ZNF135: variants seen among roughly 807,000 people sequenced by gnomAD.
ZNF135 encodes the protein zinc finger protein 135 (clone pHZ-17).
Under a neutral mutation model 12.3 loss-of-function variants are expected in ZNF135, and 11 were observed. The observed-to-expected ratio is 0.89, with a 90% CI of 0.56 to 1.48. The LOEUF (loss-of-function observed/expected upper bound fraction) is 1.48, where lower values mean the gene tolerates loss of function less well. Among genes scored for constraint, ZNF135 ranks in the 40% most tolerant of loss-of-function variants. ZNF135 has a pLI of 0.00. For missense variants in ZNF135, 722 were observed against 815.7 expected (o/e 0.89, Z 1.40); for synonymous variants, 316 against 312.0 (o/e 1.01, Z -0.14).
rs2073924837 is a variant in ZNF135, at chr19:58,059,356, G to GGGCCA, written c.-35+50_-35+51insAGGCC. The GGGCCA allele has an allele frequency of 1.7e-6, 2 of 1,156,678 alleles. No individual in the cohort carries two copies. The highest frequency in any genetic ancestry group is 2.3e-6 in the Non-Finnish European group (2 of 857,538). 71.7% of individuals were successfully genotyped at this position (1,156,678 alleles called of 1,614,324 possible). ...GGGGGAGGGGAGGCCAGGCCGGGCC[G>GGGCCA]GGCCGGGCCGGGTGCGGGGGGTCCG... On this transcript the variant is annotated intron_variant, in intron 1 of 4. Transcript: ENST00000313434. This position sits in a 1 kb window ranked among gnomAD's most constrained non-coding sequence, Gnocchi z 6.5.
Position 58,059,330 on chromosome 19 carries a change from A to AG in ZNF135, c.-35+25dup. 2 of 1,107,970 alleles carry AG rather than the reference A, an allele frequency of 1.8e-6. No individual in the cohort carries two copies. The highest frequency in any genetic ancestry group is 2.2e-6 in the Non-Finnish European group (2 of 891,256). The allele number at this position is 1,107,970 out of a possible 1,614,324, so 68.6% of individuals were successfully genotyped here. On this transcript the variant is annotated intron_variant, in intron 1 of 4. Coordinates refer to ENST00000313434, the MANE Select transcript of ZNF135 (RefSeq NM_001289401.2). The surrounding 1 kb of genome is among the most constrained non-coding windows in gnomAD (Gnocchi z 6.5). ...AGGAGGGTGAGCTAGGCCGGCGAGG[A>AG]GGGGGAGGGGAGGCCAGGCCGGGCC...
rs1337542293 is a variant in ZNF135 at position 58,068,553 on chromosome 19, A to G, written c.*92A>G. The G allele has an allele frequency of 7.0e-7, 1 of 1,419,898 alleles. No homozygotes were observed. Among genetic ancestry groups the G allele is most frequent in the Non-Finnish European group, 9.5e-7 (1 of 1,052,034 alleles). 88.0% of individuals were successfully genotyped at this position (1,419,898 alleles called of 1,614,324 possible). A position where few individuals can be genotyped will look rare whatever the true frequency, so the allele number is the denominator to read the frequency against. On this transcript the variant is annotated 3_prime_UTR_variant, in exon 5 of 5. Coordinates refer to ENST00000313434, the MANE Select transcript of ZNF135 (RefSeq NM_001289401.2). Reference sequence around the variant, plus strand: ...ACCCAATCATACACATGAGAAACGTACATTCATACACAAGCCTTTTCACAC... The same window carrying G: ...ACCCAATCATACACATGAGAAACGTGCATTCATACACAAGCCTTTTCACAC...
chr19:58,062,024 C>T (rs1426809729), intron 3 of ZNF135, among the ~76,000 whole-genome samples: 6 of 152,152 alleles, frequency 3.9e-5, no homozygotes, highest in Non-Finnish European at 7.3e-5. Flanking sequence ...TCAACACCTC[C>T]CTCTGCACTT....
In ZNF135 at chr19:58,060,719, G is replaced by C. The variant is rs2073962543; in HGVS notation, c.33+684G>C. On this transcript the variant is annotated intron_variant, in intron 2 of 4. Transcript: ENST00000313434. The surrounding 1 kb of genome is among the most constrained non-coding windows in gnomAD (Gnocchi z 4.9). ...GCGATGGCTTGTAGCTGTAATCCCA[G>C]CTATGGGGGAGGATTGCTTGAGCCC... is the stretch of plus-strand genomic sequence containing the variant. 1.3e-5 allele frequency among the ~76,000 whole-genome samples: 2 copies of C among 152,192 alleles called. No individual in the cohort carries two copies. Among genetic ancestry groups the C allele is most frequent in the African/African-American group, 4.8e-5 (2 of 41,438 alleles).
rs11668842 is a variant in ZNF135, at chr19:58,060,989, G to C, written c.34-591G>C. On this transcript the variant is annotated intron_variant, in intron 2 of 4. Transcript: ENST00000313434. The surrounding 1 kb of genome is among the most constrained non-coding windows in gnomAD (Gnocchi z 4.9). Reference sequence around the variant, plus strand: ...AAAATACAAAAAAAAATTAGCCGGGGGGGTGGCGGGCGCCTGTAGTCCCAG... The same window carrying C: ...AAAATACAAAAAAAAATTAGCCGGGCGGGTGGCGGGCGCCTGTAGTCCCAG... Among the ~76,000 whole-genome samples the C allele has an allele frequency of 0.57, 86,797 of 151,768 alleles. 25,368 individuals carry two copies. Among genetic ancestry groups the C allele is most frequent in the African/African-American group, 0.62 (25,517 of 41,334 alleles).
At position 58,063,606 on chromosome 19, in the gene ZNF135, T is replaced by G. The variant is rs1173661638; in HGVS notation, c.256+65T>G. 6.2e-7 allele frequency: 1 copy of G among 1,604,196 alleles called. No individual in the cohort carries two copies. Among genetic ancestry groups the G allele is most frequent in the Non-Finnish European group, 8.5e-7 (1 of 1,174,942 alleles). On this transcript the variant is annotated intron_variant, in intron 4 of 4. Transcript: ENST00000313434. The surrounding 1 kb of genome is among the most constrained non-coding windows in gnomAD (Gnocchi z 4.4). The stretch of plus-strand genomic sequence containing the variant: ...ATGCTTGCTTCCTGGTTTCTCCCTC[T>G]GCATCTGCTCTCTAATTCTTCAGAG...
In ZNF135 at chr19:58,067,532, G is replaced by A. The variant is rs1272471702; in HGVS notation, c.1048G>A (p.Gly350Arg). The change falls in exon 5 of 5, where the codon GGG (glycine) becomes AGG (arginine). Residue 350 changes from glycine (G) to arginine (R), a missense_variant. Gly to Arg is a moderately radical substitution (Grantham distance 125). Coordinates refer to ENST00000313434, the MANE Select transcript of ZNF135 (RefSeq NM_001289401.2). Reference sequence around the variant, plus strand: ...CACCCAGCATCTGCGAATCCACACTGGGGAGAAACCCTATCAGTGTGGTGA... The same window carrying A: ...CACCCAGCATCTGCGAATCCACACTAGGGAGAAACCCTATCAGTGTGGTGA... The part of the protein sequence containing the change: ...HLTQHLRIHT[G>R]EKPYQCGECG... The A allele has an allele frequency of 4.3e-6, 7 of 1,613,854 alleles. No homozygotes were observed. In the East Asian group the frequency reaches 1.3e-4, roughly 31 times the overall value.
chr19:58,064,685 GC>G (rs1253324442), intron 4 of ZNF135, among the ~76,000 whole-genome samples: 2 of 149,962 alleles, frequency 1.3e-5, no homozygotes, highest in African/African-American at 2.5e-5. Flanking sequence ...TTCAAGACCA[GC>G]CTGGCCAACA....
Position 58,068,551 on chromosome 19 carries a change from G to C in ZNF135, c.*90G>C. On this transcript the variant is annotated 3_prime_UTR_variant, in exon 5 of 5. Transcript: ENST00000313434. ...TGACCCAATCATACACATGAGAAAC[G>C]TACATTCATACACAAGCCTTTTCAC... 6.9e-7 allele frequency: 1 copy of C among 1,440,256 alleles called. No homozygotes were observed. The highest frequency in any genetic ancestry group is 2.3e-5 in the East Asian group (1 of 42,882). 89.2% of individuals were successfully genotyped at this position (1,440,256 alleles called of 1,614,324 possible).
intron 4 of ZNF135, 61 bp from the exon 5 acceptor site, chr19:58,066,680 C>G (rs2074071857): frequency 5.0e-6 from 8 of 1,585,700 alleles, no homozygotes; most frequent in Non-Finnish European, 6.9e-6. Flanking sequence ...CCCATCTCAC[C>G]ACAAACTCTT....
rs1292059893 is a variant in ZNF135 at position 58,066,768 on chromosome 19, T to C, written c.284T>C (p.Leu95Pro). 6.2e-7 allele frequency: 1 copy of C among 1,614,086 alleles called. No homozygotes were observed. The highest frequency in any genetic ancestry group is 1.1e-5 in the South Asian group (1 of 91,070). ...PDLETRPKVK[L>P]SVLKQGISEE... Reference sequence around the variant, plus strand: ...TTGGAAACTAGACCCAAAGTCAAACTGTCAGTTCTAAAGCAAGGCATCTCT... The same window carrying C: ...TTGGAAACTAGACCCAAAGTCAAACCGTCAGTTCTAAAGCAAGGCATCTCT... The change falls in exon 5 of 5, where the codon CTG (leucine) becomes CCG (proline). Residue 95 changes from leucine to proline, a missense_variant. Coordinates refer to ENST00000313434, the MANE Select transcript of ZNF135 (RefSeq NM_001289401.2).
intron 4 of ZNF135, 147 bp from the exon 5 acceptor site, chr19:58,066,594 C>G (rs2074069791): frequency 8.8e-7 from 1 of 1,136,828 alleles, no homozygotes; most frequent in African/African-American, 1.6e-5. Context: ...TCCTGGTTTG[C>G]AAAACTATAT....
At position 58,059,628 on chromosome 19, in the gene ZNF135, G is replaced by T; in HGVS notation, c.-35+318G>T. On this transcript the variant is annotated intron_variant, in intron 1 of 4. Coordinates refer to ENST00000313434, the MANE Select transcript of ZNF135 (RefSeq NM_001289401.2). The surrounding 1 kb of genome is among the most constrained non-coding windows in gnomAD (Gnocchi z 6.5). ...TCTGCCCCACACCGGGCACTGGGCCGCCACCTTTGTTGATGGAAGAGAGAA... is the reference window on the plus strand; with the variant it reads ...TCTGCCCCACACCGGGCACTGGGCCTCCACCTTTGTTGATGGAAGAGAGAA... The T allele has an allele frequency of 2.0e-6, 1 of 511,828 alleles. No homozygotes were observed. Among genetic ancestry groups the T allele is most frequent in the South Asian group, 2.7e-5 (1 of 36,522 alleles). 31.7% of individuals were successfully genotyped at this position (511,828 alleles called of 1,614,324 possible). A position where few individuals can be genotyped will look rare whatever the true frequency, so the allele number is the denominator to read the frequency against.
At position 58,059,460 on chromosome 19, in the gene ZNF135, TG is replaced by T; in HGVS notation, c.-35+154del. 1.2e-6 allele frequency: 1 copy of T among 851,846 alleles called. No individual in the cohort carries two copies. Among genetic ancestry groups the T allele is most frequent in the Non-Finnish European group, 1.7e-6 (1 of 592,810 alleles). 52.8% of individuals were successfully genotyped at this position (851,846 alleles called of 1,614,324 possible). On this transcript the variant is annotated intron_variant, in intron 1 of 4. Transcript: ENST00000313434. This position sits in a 1 kb window ranked among gnomAD's most constrained non-coding sequence, Gnocchi z 6.5. ...GGAGTCCGTTTTGCTGCCCGGGGCC[TG>T]GGGAAGGCCGTTTCGGGGCTGGCGG...
rs1196681081 is a variant in ZNF135 at position 58,060,586 on chromosome 19, A to G, written c.33+551A>G. Among the ~76,000 whole-genome samples the G allele has an allele frequency of 6.6e-6, 1 of 152,322 alleles. No individual in the cohort carries two copies. The highest frequency in any genetic ancestry group is 1.9e-4 in the East Asian group (1 of 5,168). On this transcript the variant is annotated intron_variant, in intron 2 of 4. Transcript: ENST00000313434. The surrounding 1 kb of genome is among the most constrained non-coding windows in gnomAD (Gnocchi z 4.9). ...CGCTTCCTCAGACGTCATGGAGGCC[A>G]AGGGGGCGGAACTCGCCTTTTTATG...
rs148350290 is a variant in ZNF135, at chr19:58,067,736, G to C, written c.1252G>C (p.Ala418Pro). 6.2e-7 allele frequency: 1 copy of C among 1,614,022 alleles called. No individual in the cohort carries two copies. The highest frequency in any genetic ancestry group is 8.5e-7 in the Non-Finnish European group (1 of 1,179,998). Residue 418 changes from alanine (A) to proline (P), a missense_variant, in exon 5 of 5, where the codon GCC (alanine) becomes CCC (proline). Coordinates refer to ENST00000313434, the MANE Select transcript of ZNF135 (RefSeq NM_001289401.2). ...CTATGAGTGTGGTGAGTGTGGGAAAGCCTTCAGTCAGAGCACACTCCTGAC... is the reference window on the plus strand; with the variant it reads ...CTATGAGTGTGGTGAGTGTGGGAAACCCTTCAGTCAGAGCACACTCCTGAC... ...KPYECGECGKAFSQSTLLTEH... is the reference protein window; with the variant it reads ...KPYECGECGKPFSQSTLLTEH...
rs569317456 is a variant in ZNF135, at chr19:58,063,692, A to G, written c.256+151A>G. ...AGCACCCATTTTGCTGTGAGTGACG[A>G]CACCACGTCCTCATCTCCACTGAAT... On this transcript the variant is annotated intron_variant, in intron 4 of 4. Transcript: ENST00000313434. The surrounding 1 kb of genome is among the most constrained non-coding windows in gnomAD (Gnocchi z 4.4). 3.1e-4 allele frequency: 439 copies of G among 1,430,034 alleles called. 3 individuals are homozygous for G. The African/African-American group carries it at 5.7e-3, about 18-fold the overall frequency. The allele number at this position is 1,430,034 out of a possible 1,614,324, so 88.6% of individuals were successfully genotyped here.
chr19:58,068,438 C>G lies in ZNF135; in HGVS notation c.1954C>G (p.His652Asp), dbSNP rs761206779. Residue 652 changes from histidine to aspartate, a missense_variant, in exon 5 of 5, where the codon CAC becomes GAC. Coordinates refer to ENST00000313434, the MANE Select transcript of ZNF135 (RefSeq NM_001289401.2). Reference protein sequence around the residue: ...AFTHSSSLTKHQRTHTG With the variant: ...AFTHSSSLTKDQRTHTG ...TACCCACAGCTCCTCCCTTACCAAG[C>G]ACCAGAGAACTCACACTGGATAAAC... 5 of 1,613,980 alleles carry G rather than the reference C, an allele frequency of 3.1e-6. No homozygotes were observed. Among genetic ancestry groups the G allele is most frequent in the Non-Finnish European group, 4.2e-6 (5 of 1,179,910 alleles).
Position 58,060,536 on chromosome 19 carries a change from C to G in ZNF135, c.33+501C>G. The G allele has an allele frequency of 5.0e-6, 4 of 797,430 alleles. No homozygotes were observed. Among genetic ancestry groups the G allele is most frequent in the Non-Finnish European group, 6.2e-6 (4 of 649,328 alleles). 49.4% of individuals were successfully genotyped at this position (797,430 alleles called of 1,614,324 possible). On this transcript the variant is annotated intron_variant, in intron 2 of 4. Coordinates refer to ENST00000313434, the MANE Select transcript of ZNF135 (RefSeq NM_001289401.2). This position sits in a 1 kb window ranked among gnomAD's most constrained non-coding sequence, Gnocchi z 4.9. ...AAGTTGAAGGCCTTAGCATGCTCTGCGCTCCAAGATGGCGCATCGAGTGCC... is the reference window on the plus strand; with the variant it reads ...AAGTTGAAGGCCTTAGCATGCTCTGGGCTCCAAGATGGCGCATCGAGTGCC...
Sources: gnomAD v4.1 joint callset for allele counts (sites outside exome capture counted in the v4.1 genomes callset) on GRCh38, gnomAD v4.1.1 for gene constraint, Gnocchi (gnomAD v3.1) non-coding constraint, MANE v1.5 for transcripts, NCBI Gene and HGNC (gene_info 2026-07-23, HGNC 2026-07-21) for gene names.